Variants in CLIC4 observed in about 807,000 individuals in gnomAD.
The protein encoded by CLIC4 is chloride intracellular channel protein 4.
Under a neutral mutation model 24.6 loss-of-function variants are expected in CLIC4, and 13 were observed. The observed-to-expected ratio is 0.53, with a 90% CI of 0.34 to 0.84. CLIC4 has a LOEUF of 0.84. Ranked by LOEUF, CLIC4 falls within the 40% of genes least tolerant of loss-of-function variation. The pLI is 0.01. For missense variants in CLIC4, 227 were observed against 301.7 expected (o/e 0.75, Z 1.83); for synonymous variants, 104 against 111.3 (o/e 0.93, Z 0.41).
intron 2 of CLIC4, among the ~76,000 whole-genome samples, chr1:24,798,478 G>GA (rs1639430352): frequency 1.3e-5 from 2 of 152,146 alleles, no homozygotes; most frequent in African/African-American, 4.8e-5. Flanking sequence ...TTCCATAGTG[G>GA]AGAGGGCTGA....
intron 1 of CLIC4, among the ~76,000 whole-genome samples, chr1:24,772,808 C>T (rs918913394): frequency 7.2e-5 from 11 of 152,110 alleles, no homozygotes; most frequent in Non-Finnish European, 1.5e-5. Flanking sequence ...TTTTAATGAA[C>T]ATTTAAAAAT....
At chr1:24,747,533 C>CAAAAAAA (rs35626709) in intron 1 of CLIC4, among the ~76,000 whole-genome samples, 1 of 92,656 alleles carries the variant, frequency 1.1e-5, no homozygotes, top group Non-Finnish European at 2.0e-5. Flanking sequence ...GACTCCATCT[C>CAAAAAAA]AAAAAAAAAA....
At chr1:24,757,735 T>G (rs1239409609) in intron 1 of CLIC4, among the ~76,000 whole-genome samples, 1 of 152,132 alleles carries the variant, frequency 6.6e-6, no homozygotes, top group Non-Finnish European at 1.5e-5. Flanking sequence ...AAGACTGAAA[T>G]GAATTTTTTT....
At chr1:24,810,445 C>T (rs905356206) in intron 2 of CLIC4, among the ~76,000 whole-genome samples, 4 of 152,138 alleles carry the variant, frequency 2.6e-5, no homozygotes, top group Admixed American at 2.0e-4. Flanking sequence ...TTTCCCCCTC[C>T]CTGCATTTCC....
intron 1 of CLIC4, among the ~76,000 whole-genome samples, chr1:24,755,300 A>G (rs1483822717): frequency 7.0e-5 from 10 of 143,286 alleles, no homozygotes; most frequent in East Asian, 4.5e-4. Flanking sequence ...TTAGCTAGGC[A>G]TGATGGTGCA....
chr1:24,746,916 G>GAGGTC (rs1028150583), intron 1 of CLIC4, among the ~76,000 whole-genome samples: 8 of 152,140 alleles, frequency 5.3e-5, no homozygotes, highest in African/African-American at 1.9e-4. Context: ...TTGAGCCCGG[G>GAGGTC]AGGTCGAGGC....
intron 1 of CLIC4, among the ~76,000 whole-genome samples, chr1:24,762,665 T>G (rs1389532726): frequency 6.6e-6 from 1 of 152,036 alleles, no homozygotes; most frequent in Admixed American, 6.6e-5. Flanking sequence ...TCAAGCTGAG[T>G]GTTTGTTGGA....
At chr1:24,804,531 ATGTGTG>A (rs1009064022) in intron 2 of CLIC4, among the ~76,000 whole-genome samples, 1 of 21,840 alleles carries the variant, frequency 4.6e-5, no homozygotes, top group African/African-American at 2.3e-4. Flanking sequence ...GGGTGGGGGG[ATGTGTG>A]TATGTGGGTG....
chr1:24,841,759 A>G lies in CLIC4; in HGVS notation c.*822A>G, dbSNP rs543226277. 2 of 152,708 alleles carry G rather than the reference A, an allele frequency of 1.3e-5. No homozygotes were observed. Among genetic ancestry groups the G allele is most frequent in the Admixed American group, 1.3e-4 (2 of 15,292 alleles). The allele number at this position is 152,708 out of a possible 1,614,324, so 9.5% of individuals were successfully genotyped here. Reference sequence around the variant, plus strand: ...TGCCATTCATTTGGAACTTTATTGCATTCTTTATTTTAAAAAGCTTGTTTT... The same window carrying G: ...TGCCATTCATTTGGAACTTTATTGCGTTCTTTATTTTAAAAAGCTTGTTTT... On this transcript the variant is annotated 3_prime_UTR_variant, in exon 6 of 6. Transcript: ENST00000374379.
chr1:24,802,142 T>C (rs1314216240), intron 2 of CLIC4, among the ~76,000 whole-genome samples: 2 of 152,220 alleles, frequency 1.3e-5, no homozygotes, highest in African/African-American at 4.8e-5. Flanking sequence ...AAGCTGTCAT[T>C]GAATAGTTTA....
chr1:24,762,652 G>T (rs892295659), intron 1 of CLIC4, among the ~76,000 whole-genome samples: 4 of 152,212 alleles, frequency 2.6e-5, no homozygotes, highest in African/African-American at 9.6e-5. Context: ...GTGACCAGTT[G>T]TATCAAGCTG....
rs975813238 is a variant in CLIC4, at chr1:24,758,520, C to T, written c.72+12895C>T. Reference sequence around the variant, plus strand: ...TCACCCAGGCTGGGGTGCACTGGTGCGATCTCGGCTCACTGCAACCTCCAC... The same window carrying T: ...TCACCCAGGCTGGGGTGCACTGGTGTGATCTCGGCTCACTGCAACCTCCAC... On this transcript the variant is annotated intron_variant, in intron 1 of 5. Coordinates refer to ENST00000374379, the MANE Select transcript of CLIC4 (RefSeq NM_013943.3). Among the ~76,000 whole-genome samples, 9 of 151,764 alleles carry T rather than the reference C, an allele frequency of 5.9e-5. No homozygotes were observed. In the East Asian group the frequency reaches 7.7e-4, roughly 13 times the overall value.
chr1:24,800,875 G>T (rs965008861), intron 2 of CLIC4, among the ~76,000 whole-genome samples: 2 of 147,188 alleles, frequency 1.4e-5, no homozygotes, highest in African/African-American at 2.5e-5. Context: ...CAGCATGCTC[G>T]TTAAGAGTCA....
intron 3 of CLIC4, among the ~76,000 whole-genome samples, chr1:24,824,021 C>T (rs1231443007): frequency 6.6e-6 from 1 of 152,112 alleles, no homozygotes. Context: ...TTATTTGCCT[C>T]CCTTTTGCTA....
chr1:24,798,878 C>G (rs374846324), intron 2 of CLIC4, among the ~76,000 whole-genome samples: 1 of 152,260 alleles, frequency 6.6e-6, no homozygotes, highest in Non-Finnish European at 1.5e-5. Context: ...AGCCCCTAAC[C>G]GCGAGTGATC....
intron 3 of CLIC4, among the ~76,000 whole-genome samples, chr1:24,824,242 G>C (rs1639764800): frequency 6.6e-6 from 1 of 152,122 alleles, no homozygotes; most frequent in Non-Finnish European, 1.5e-5. Flanking sequence ...ACTAGACCTG[G>C]GGACAGGAGA....
At chr1:24,746,799 A>C (rs1179404163) in intron 1 of CLIC4, among the ~76,000 whole-genome samples, 2 of 151,984 alleles carry the variant, frequency 1.3e-5, no homozygotes, top group African/African-American at 4.8e-5. Flanking sequence ...ACTTGAGTCC[A>C]GCCTGAACAA....
At chr1:24,746,305 C>T (rs1285205648) in intron 1 of CLIC4, among the ~76,000 whole-genome samples, 1 of 152,112 alleles carries the variant, frequency 6.6e-6, no homozygotes, top group Admixed American at 6.5e-5. Flanking sequence ...TTGGCTTCTC[C>T]CCCCGGCGTT....
intron 1 of CLIC4, among the ~76,000 whole-genome samples, chr1:24,762,186 G>T (rs996496512): frequency 3.9e-5 from 6 of 152,184 alleles, no homozygotes; most frequent in Non-Finnish European, 5.9e-5. Flanking sequence ...GGAAGGCTGA[G>T]GTGGAAGATT....
Sources: allele counts gnomAD v4.1 joint callset (sites outside exome capture counted in the v4.1 genomes callset), GRCh38; gene constraint gnomAD v4.1.1; transcripts MANE v1.5; gene names NCBI Gene and HGNC (gene_info 2026-07-23, HGNC 2026-07-21).